Variants in E2F8 observed in about 807,000 individuals in gnomAD.
The protein encoded by E2F8 is transcription factor E2F8.
A neutral mutation model predicts 80.8 loss-of-function variants in E2F8; 35 were observed. The ratio of observed to expected loss-of-function variants is 0.43; its 90% CI spans 0.33 to 0.57. The LOEUF (loss-of-function observed/expected upper bound fraction) is 0.57, where lower values mean the gene tolerates loss of function less well. Ranked by LOEUF, E2F8 falls within the 20% of genes least tolerant of loss-of-function variation. The pLI is 0.04. For synonymous variants in E2F8, 386 were observed against 395.0 expected (o/e 0.98, Z 0.27); for missense variants, 975 against 1,056.2 (o/e 0.92, Z 1.07).
In E2F8 at chr11:19,230,750, G is replaced by A; in HGVS notation, c.1151C>T (p.Ser384Phe). Residue 384 changes from serine (S) to phenylalanine (F), a missense_variant, in exon 8 of 13, where the codon TCC becomes TTC. Transcript: ENST00000250024. ...SKENCAKNLF[S>F]TRGKPNFTRH... ...AGTAAAGTTTGGTTTCCCACGTGTG[G>A]AAAAGAGGTTTTTGGCACAGTTCTC... The A allele has an allele frequency of 6.2e-7, 1 of 1,614,064 alleles. No homozygotes were observed. The highest frequency in any genetic ancestry group is 8.5e-7 in the Non-Finnish European group (1 of 1,179,946).
chr11:19,225,948 C>T (rs1851226353), intron 10 of E2F8, 84 bp from the exon 11 acceptor site: 1 of 1,504,416 alleles, frequency 6.6e-7, no homozygotes, highest in Non-Finnish European at 8.9e-7. Flanking sequence ...ACTAATATCC[C>T]TTGGTGGTTG....
rs762267794 is a variant in E2F8 at position 19,235,018 on chromosome 11, T to C, written c.492A>G (p.Leu164=). Residue 164 remains leucine, a synonymous_variant, in exon 5 of 13, where the codon CTA becomes CTG. Coordinates refer to ENST00000250024, the MANE Select transcript of E2F8 (RefSeq NM_024680.4). ...RRRIYDIVNV[L]ESLHMVSRLA... ...GGCGGCTCACCATATGTAAACTCTC[T>C]AGGACGTTCACGATATCGTAAATGC... The C allele has an allele frequency of 1.9e-6, 3 of 1,613,082 alleles. No homozygotes were observed. Among genetic ancestry groups the C allele is most frequent in the Middle Eastern group, 1.7e-4 (1 of 6,046 alleles).
In E2F8 at chr11:19,240,779, A is replaced by C. The variant is rs2133585815; in HGVS notation, c.-341T>G. ...TGGGCATTTAAAGAGTCTTATAATT[A>C]AGACTTTTTTTTTAAATTTAAAAAA... is the stretch of plus-strand genomic sequence containing the variant. On this transcript the variant is annotated 5_prime_UTR_variant, in exon 1 of 13. Coordinates refer to ENST00000250024, the MANE Select transcript of E2F8 (RefSeq NM_024680.4). 1 of 152,338 alleles carries C rather than the reference A, an allele frequency of 6.6e-6. No individual in the cohort carries two copies. 9.4% of individuals were successfully genotyped at this position (152,338 alleles called of 1,614,324 possible).
At chr11:19,226,011 T>A (rs1037240766) in intron 10 of E2F8, 147 bp from the exon 11 acceptor site, 13 of 874,068 alleles carry the variant, frequency 1.5e-5, no homozygotes, top group Admixed American at 7.4e-5. Flanking sequence ...GCTGGTCACC[T>A]GGCTCCTAGA....
chr11:19,234,647 G>C (rs374899305), intron 5 of E2F8, 97 bp downstream of exon 5: 1 of 1,525,308 alleles, frequency 6.6e-7, no homozygotes, highest in African/African-American at 1.4e-5. Context: ...GAACATTAAA[G>C]GCAGCAGTAG....
Position 19,224,790 on chromosome 11 carries a change from G to A in E2F8, c.2472C>T (p.Phe824=). The change falls in exon 13 of 13, where the codon TTC becomes TTT. Residue 824 remains phenylalanine (F), a synonymous_variant. Transcript: ENST00000250024. ...GCTTGGTGGGTCCACCTGGGGTACG[G>A]AAGAAACTTTCGGCCACTAATTGTG... ...KGSQLVAESF[F]RTPGGPTKPT... is the part of the protein sequence containing the mutation. 1 of 1,614,182 alleles carries A rather than the reference G, an allele frequency of 6.2e-7. No homozygotes were observed. The highest frequency in any genetic ancestry group is 8.5e-7 in the Non-Finnish European group (1 of 1,180,034).
rs989553143 is a variant in E2F8, at chr11:19,235,137, A to T, written c.452-79T>A. The T allele has an allele frequency of 1.0e-5, 13 of 1,296,024 alleles. No individual in the cohort carries two copies. In the African/African-American group the frequency reaches 1.8e-4, roughly 18 times the overall value. The allele number at this position is 1,296,024 out of a possible 1,614,324, so 80.3% of individuals were successfully genotyped here. ...GAATAGCTTTTTCTTCCATTGGTTT[A>T]TTAGTCAGTAGGTCTTGGATAATAT... On this transcript the variant is annotated intron_variant, in intron 4 of 12. Coordinates refer to ENST00000250024, the MANE Select transcript of E2F8 (RefSeq NM_024680.4).
At chr11:19,239,682 G>A (rs539177234) in intron 2 of E2F8, among the ~76,000 whole-genome samples, 205 of 151,080 alleles carry the variant, frequency 1.4e-3, no homozygotes, top group Non-Finnish European at 2.5e-3. Flanking sequence ...TGAAACTAAC[G>A]AATTTTTGAA....
Position 19,240,202 on chromosome 11 carries a change from CAATCAATTGTACTA to C in E2F8, c.-95_-82del. The C allele has an allele frequency of 1.1e-6, 1 of 899,410 alleles. No individual in the cohort carries two copies. The highest frequency in any genetic ancestry group is 1.6e-6 in the Non-Finnish European group (1 of 618,374). The allele number at this position is 899,410 out of a possible 1,614,324, so 55.7% of individuals were successfully genotyped here. A position where few individuals can be genotyped will look rare whatever the true frequency, so the allele number is the denominator to read the frequency against. Reference sequence around the variant, plus strand: ...CCAAATCCCGATGGTTCAAGTAGTCCAATCAATTGTACTAAAAGTTTTAATATCCTTAAAGAAAA... The same window carrying C: ...CCAAATCCCGATGGTTCAAGTAGTCCAAAGTTTTAATATCCTTAAAGAAAA... On this transcript the variant is annotated 5_prime_UTR_variant, in exon 2 of 13. Transcript: ENST00000250024.
intron 6 of E2F8, among the ~76,000 whole-genome samples, chr11:19,233,918 G>GGCCGAA (rs1458375235): frequency 5.9e-5 from 9 of 151,500 alleles, no homozygotes; most frequent in South Asian, 2.1e-4. Context: ...GGGAGGCCGA[G>GGCCGAA]GTGGGTGGAT....
In E2F8 at chr11:19,238,057, C is replaced by T. The variant is rs750865783; in HGVS notation, c.91G>A (p.Val31Met). ...PLKESTTANIVLAEIQPDFGP... is the reference protein window; with the variant it reads ...PLKESTTANIMLAEIQPDFGP... ...AAGTCAGGCTGGATCTCTGCCAACACGATATTTGCTGTGGTGGATTCTTTC... is the reference window on the plus strand; with the variant it reads ...AAGTCAGGCTGGATCTCTGCCAACATGATATTTGCTGTGGTGGATTCTTTC... Residue 31 changes from valine to methionine, a missense_variant, in exon 3 of 13, where the codon GTG becomes ATG. Physicochemically the swap from Val to Met is conservative, Grantham distance 21. Transcript: ENST00000250024. The T allele has an allele frequency of 6.8e-6, 11 of 1,614,008 alleles. No individual in the cohort carries two copies. The highest frequency in any genetic ancestry group is 1.7e-5 in the Admixed American group (1 of 59,994).
intron 4 of E2F8, among the ~76,000 whole-genome samples, chr11:19,235,706 C>A (rs946181351): frequency 1.3e-5 from 2 of 151,974 alleles, no homozygotes; most frequent in Non-Finnish European, 2.9e-5. Flanking sequence ...CTCAGACCAG[C>A]TAAGTAGCTC....
chr11:19,230,491 A>T, intron 8 of E2F8, 140 bp downstream of exon 8: 2 of 1,203,748 alleles, frequency 1.7e-6, no homozygotes, highest in Non-Finnish European at 2.3e-6. Flanking sequence ...AAATTTATAC[A>T]TTAGTTAGGC....
chr11:19,230,584 A>G, intron 8 of E2F8, 47 bp downstream of exon 8: 1 of 1,588,172 alleles, frequency 6.3e-7, no homozygotes. Context: ...AAAATGAGAT[A>G]AAAGGGAATT....
At chr11:19,226,335 A>T (rs904405018) in intron 10 of E2F8, among the ~76,000 whole-genome samples, 2 of 152,262 alleles carry the variant, frequency 1.3e-5, no homozygotes, top group African/African-American at 4.8e-5. Context: ...ATTGGAAAAT[A>T]CTGAATTAAA....
chr11:19,234,099 G>C (rs573288893), intron 6 of E2F8, among the ~76,000 whole-genome samples: 4 of 135,438 alleles, frequency 3.0e-5, no homozygotes, highest in East Asian at 4.4e-4. Context: ...AGTGAGCCTA[G>C]ATCTCGCCAC....
chr11:19,226,344 A>C (rs1052051123), intron 10 of E2F8, among the ~76,000 whole-genome samples: 1 of 152,244 alleles, frequency 6.6e-6, no homozygotes. Context: ...TACTGAATTA[A>C]ACAAAGTCAA....
intron 7 of E2F8, 22 bp downstream of exon 7, chr11:19,232,212 G>A (rs1851400866): frequency 6.2e-7 from 1 of 1,609,550 alleles, no homozygotes; most frequent in Non-Finnish European, 8.5e-7. Flanking sequence ...TAAAGCAGAG[G>A]GTGAAAGAAA....
In E2F8 at chr11:19,236,668, G is replaced by A. The variant is rs114176201; in HGVS notation, c.451+646C>T. 2.2e-3 allele frequency among the ~76,000 whole-genome samples: 329 copies of A among 152,202 alleles called. 3 individuals carry two copies. Among genetic ancestry groups the A allele is most frequent in the African/African-American group, 7.5e-3 (313 of 41,522 alleles). ...TATTAGAAGGGCAACTTTTCTTCACGGGGTGATTGCTTTGTATTAAAATGT... is the reference window on the plus strand; with the variant it reads ...TATTAGAAGGGCAACTTTTCTTCACAGGGTGATTGCTTTGTATTAAAATGT... On this transcript the variant is annotated intron_variant, in intron 4 of 12. Coordinates refer to ENST00000250024, the MANE Select transcript of E2F8 (RefSeq NM_024680.4).
Sources: gnomAD v4.1 joint callset for allele counts (sites outside exome capture counted in the v4.1 genomes callset) on GRCh38, gnomAD v4.1.1 for gene constraint, MANE v1.5 for transcripts, NCBI Gene and HGNC (gene_info 2026-07-23, HGNC 2026-07-21) for gene names.